Variants in PRAMEF4 observed in about 807,000 individuals in gnomAD.
PRAMEF4 encodes the protein PRAME family member 4, also known as RP5-845O24.6.
Under a neutral mutation model 34.4 loss-of-function variants are expected in PRAMEF4, and 18 were observed. The observed-to-expected ratio is 0.52, with a 90% CI of 0.36 to 0.78. PRAMEF4 has a LOEUF of 0.78. Ranked by LOEUF, PRAMEF4 falls within the 30% of genes least tolerant of loss-of-function variation. The pLI, the probability that PRAMEF4 is intolerant of heterozygous loss-of-function variation, is 0.00. For missense variants in PRAMEF4, 482 were observed against 569.1 expected (o/e 0.85, Z 1.56); for synonymous variants, 156 against 219.3 (o/e 0.71, Z 2.55).
intron 3 of PRAMEF4, among the ~76,000 whole-genome samples, chr1:12,881,223 A>T (rs1260282896): frequency 6.8e-6 from 1 of 147,692 alleles, no homozygotes; most frequent in Non-Finnish European, 1.5e-5. Flanking sequence ...AAAATTAGCC[A>T]GGTGTGGTGG....
At chr1:12,880,642 T>C (rs573426567) in intron 3 of PRAMEF4, among the ~76,000 whole-genome samples, 1 of 148,646 alleles carries the variant, frequency 6.7e-6, no homozygotes, top group African/African-American at 2.5e-5. Flanking sequence ...TTTATAGGAA[T>C]GGATCAAGTT....
At chr1:12,885,684 CTG>C (rs1640988220) in intron 1 of PRAMEF4, among the ~76,000 whole-genome samples, 1 of 146,218 alleles carries the variant, frequency 6.8e-6, no homozygotes, top group African/African-American at 2.6e-5. Context: ...AGGATGGAGA[CTG>C]AGGCATGAGA....
chr1:12,883,461 T>A (rs1640935114), intron 1 of PRAMEF4, 51 bp from the exon 2 acceptor site: 1 of 1,596,062 alleles, frequency 6.3e-7, no homozygotes, highest in Non-Finnish European at 8.5e-7. Flanking sequence ...GCCAAGCCCA[T>A]GCAATCTCAT....
At chr1:12,880,402 C>G (rs1640865290) in intron 3 of PRAMEF4, among the ~76,000 whole-genome samples, 1 of 150,356 alleles carries the variant, frequency 6.7e-6, no homozygotes, top group Non-Finnish European at 1.5e-5. Flanking sequence ...ATGGCAAAAC[C>G]TCCTCTCTAC....
chr1:12,885,122 G>T (rs1484497758), intron 1 of PRAMEF4, among the ~76,000 whole-genome samples: 2 of 150,888 alleles, frequency 1.3e-5, no homozygotes, highest in Admixed American at 6.7e-5. Context: ...GATCACCTGG[G>T]TCATATAATT....
Position 12,881,107 on chromosome 1 carries a change from T to G in PRAMEF4, c.875+747A>C, listed in dbSNP as rs923975602. 6.1e-5 allele frequency among the ~76,000 whole-genome samples: 9 copies of G among 148,328 alleles called. 1 individual carries two copies. The highest frequency in any genetic ancestry group is 8.9e-5 in the Non-Finnish European group (6 of 67,374). ...TTGGCTGGGCGTGGTAGCTCTCGCC[T>G]ATAATCCCAGCACTTTGGGAGTCCA... On this transcript the variant is annotated intron_variant, in intron 3 of 3. Transcript: ENST00000235349.
chr1:12,881,767 T>A, intron 3 of PRAMEF4, 87 bp downstream of exon 3: 1 of 1,575,942 alleles, frequency 6.3e-7, no homozygotes. Context: ...TTCATCCTCA[T>A]AGGCTGGCTC....
At position 12,883,121 on chromosome 1, in the gene PRAMEF4, T is replaced by G; in HGVS notation, c.274A>C (p.Asn92His). Reference protein sequence around the residue: ...AVLDGLDALLNLGVRPRRWKL... With the variant: ...AVLDGLDALLHLGVRPRRWKL... The stretch of plus-strand genomic sequence containing the variant: ...CCTCACCTGGGACGAACCCCTAGGT[T>G]AAGCAGTGCATCCAGCCCATCGAGC... The change falls in exon 2 of 4, where the codon AAC becomes CAC. Residue 92 changes from asparagine to histidine, a missense_variant. Asn to His is a moderately conservative substitution (Grantham distance 68). Transcript: ENST00000235349. The G allele has an allele frequency of 6.2e-7, 1 of 1,601,490 alleles. No individual in the cohort carries two copies. The highest frequency in any genetic ancestry group is 8.5e-7 in the Non-Finnish European group (1 of 1,174,212).
intron 1 of PRAMEF4, among the ~76,000 whole-genome samples, chr1:12,885,782 C>G (rs1640990438): frequency 6.8e-6 from 1 of 146,396 alleles, no homozygotes; most frequent in African/African-American, 2.6e-5. Flanking sequence ...GAGACTCCAT[C>G]CCCACCCTCA....
At chr1:12,883,645 C>T (rs865951373) in intron 1 of PRAMEF4, among the ~76,000 whole-genome samples, 3,484 of 147,492 alleles carry the variant, frequency 0.024, 1 homozygote, top group African/African-American at 0.084. Context: ...CCTTTCTATC[C>T]AGTGCTCCAT....
chr1:12,879,632 G>A lies in PRAMEF4; in HGVS notation c.1349C>T (p.Pro450Leu), dbSNP rs1280998798. ...GTCAGTACAGAACAAGATCCTCTTG[G>A]GGTGCCTTAAGTCCCTCACTCTGTT... Reference protein sequence around the residue: ...LMNRVRDLRHPKRILFCTDYC... With the variant: ...LMNRVRDLRHLKRILFCTDYC... Residue 450 changes from proline (P) to leucine (L), a missense_variant, in exon 4 of 4, where the codon CCC becomes CTC. Around this residue, in one of 6 missense-constraint regions of PRAMEF4, gnomAD observed 116 missense variants for 105.2 expected, o/e 1.10. Coordinates refer to ENST00000235349, the MANE Select transcript of PRAMEF4 (RefSeq NM_001009611.4). The A allele has an allele frequency of 1.9e-6, 3 of 1,597,382 alleles. No individual in the cohort carries two copies. Among genetic ancestry groups the A allele is most frequent in the Non-Finnish European group, 2.6e-6 (3 of 1,172,554 alleles).
At chr1:12,883,706 TG>T (rs1354321390) in intron 1 of PRAMEF4, among the ~76,000 whole-genome samples, 1 of 147,558 alleles carries the variant, frequency 6.8e-6, no homozygotes, top group African/African-American at 2.5e-5. Context: ...CTCCTACCAT[TG>T]GGGGAAACTA....
rs1455332803 is a variant in PRAMEF4 at position 12,880,532 on chromosome 1, T to C, written c.876-427A>G. On this transcript the variant is annotated intron_variant, in intron 3 of 3. Coordinates refer to ENST00000235349, the MANE Select transcript of PRAMEF4 (RefSeq NM_001009611.4). ...TGTAGGTTGCAGTGAGCAGAGATCA[T>C]GCCACTACACTCCAGCCTGGGTGAC... Among the ~76,000 whole-genome samples, 3 of 148,710 alleles carry C rather than the reference T, an allele frequency of 2.0e-5. 1 individual carries two copies. The highest frequency in any genetic ancestry group is 4.4e-5 in the Non-Finnish European group (3 of 67,454).
In PRAMEF4 at chr1:12,883,198, A is replaced by T. The variant is rs1557641170; in HGVS notation, c.197T>A (p.Leu66His). 6.3e-7 allele frequency: 1 copy of T among 1,599,392 alleles called. No individual in the cohort carries two copies. The highest frequency in any genetic ancestry group is 1.7e-5 in the Admixed American group (1 of 57,472). The change falls in exon 2 of 4, where the codon CTC (leucine) becomes CAC (histidine). Residue 66 changes from leucine (L) to histidine (H), a missense_variant. Leu to His is a moderately conservative substitution (Grantham distance 99). Coordinates refer to ENST00000235349, the MANE Select transcript of PRAMEF4 (RefSeq NM_001009611.4). The part of the protein sequence containing the change: ...LMVQSWPFRR[L>H]PLRPLIKMPC... ...CATCTTTATCAGAGGCCTCAGAGGG[A>T]GGCGGCGGAAGGGCCAGGACTGCAC...
intron 3 of PRAMEF4, among the ~76,000 whole-genome samples, chr1:12,880,573 AT>A (rs1640868840): frequency 6.7e-6 from 1 of 148,944 alleles, no homozygotes; most frequent in African/African-American, 2.5e-5. Context: ...GAGACTCTGT[AT>A]TAAAAAAAAA....
At chr1:12,885,968 T>C (rs1242369194) in intron 1 of PRAMEF4, among the ~76,000 whole-genome samples, 179 bp downstream of exon 1, 1 of 94,096 alleles carries the variant, frequency 1.1e-5, no homozygotes, top group Non-Finnish European at 2.0e-5. Flanking sequence ...ATCAACTTTT[T>C]TGAAATAAAG....
At chr1:12,883,480 A>G in intron 1 of PRAMEF4, 70 bp from the exon 2 acceptor site, 1 of 1,580,766 alleles carries the variant, frequency 6.3e-7, no homozygotes, top group Non-Finnish European at 8.6e-7. Flanking sequence ...ATCCTCTCCT[A>G]TGGCCAAACT....
chr1:12,884,802 A>G (rs1640963942), intron 1 of PRAMEF4, among the ~76,000 whole-genome samples: 1 of 149,946 alleles, frequency 6.7e-6, no homozygotes, highest in Admixed American at 6.8e-5. Context: ...AGATTAACTG[A>G]TCGAATTAGA....
At chr1:12,885,010 G>A (rs1176016931) in intron 1 of PRAMEF4, among the ~76,000 whole-genome samples, 120 of 148,654 alleles carry the variant, frequency 8.1e-4, no homozygotes, top group African/African-American at 2.5e-3. Context: ...AGGGATCCTT[G>A]GCCACATCAA....
Sources: allele counts gnomAD v4.1 joint callset (sites outside exome capture counted in the v4.1 genomes callset), GRCh38; gene constraint gnomAD v4.1.1; regional missense constraint gnomAD v4.1.1; transcripts MANE v1.5; gene names NCBI Gene and HGNC (gene_info 2026-07-23, HGNC 2026-07-21).